The following DIPK1A variants were observed in gnomAD, a reference collection of about 807,000 sequenced individuals.
DIPK1A encodes divergent protein kinase domain 1A.
A neutral mutation model predicts 40.8 loss-of-function variants in DIPK1A; 27 were observed. The observed-to-expected ratio is 0.66, with a 90% CI of 0.49 to 0.91. The LOEUF is 0.91. Ranked by LOEUF, DIPK1A falls within the 40% of genes least tolerant of loss-of-function variation. The probability of loss-of-function intolerance (pLI) is 0.00; values close to 1 mark genes in which losing one functional copy is unlikely to be tolerated. For synonymous variants in DIPK1A, 166 were observed against 171.3 expected (o/e 0.97, Z 0.24); for missense variants, 412 against 505.7 (o/e 0.81, Z 1.78).
chr1:92,843,268 T>TG lies in DIPK1A; in HGVS notation c.*114dup. On this transcript the variant is annotated 3_prime_UTR_variant, in exon 5 of 5. Transcript: ENST00000370310. ...TCACATACTGATGGCTTCTCAGGCCTGGGGGGAAGGAGTTTTGTGTAACTG... is the reference window on the plus strand; with the variant it reads ...TCACATACTGATGGCTTCTCAGGCCTGGGGGGGAAGGAGTTTTGTGTAACTG... 3.4e-6 allele frequency: 5 copies of TG among 1,450,438 alleles called. No individual in the cohort carries two copies. The highest frequency in any genetic ancestry group is 9.1e-7 in the Non-Finnish European group (1 of 1,102,698). 89.8% of individuals were successfully genotyped at this position (1,450,438 alleles called of 1,614,324 possible). A position where few individuals can be genotyped will look rare whatever the true frequency, so the allele number is the denominator to read the frequency against.
At chr1:92,850,189 C>T (rs1268352682) in intron 3 of DIPK1A, among the ~76,000 whole-genome samples, 1 of 151,660 alleles carries the variant, frequency 6.6e-6, no homozygotes, top group Non-Finnish European at 1.5e-5. Context: ...AGGCTGGTCT[C>T]AGACTCCTGG....
At chr1:92,856,548 G>A (rs1480437329) in intron 2 of DIPK1A, among the ~76,000 whole-genome samples, 1 of 152,122 alleles carries the variant, frequency 6.6e-6, no homozygotes, top group East Asian at 1.9e-4. Context: ...CTCCCAAGTA[G>A]CTGGGATTAC....
At chr1:92,863,680 T>C (rs1647394503) in intron 2 of DIPK1A, among the ~76,000 whole-genome samples, 1 of 152,142 alleles carries the variant, frequency 6.6e-6, no homozygotes, top group South Asian at 2.1e-4. Flanking sequence ...AGATTTTTTA[T>C]AAGTTCATAA....
chr1:92,950,530 G>T (rs1651588288), intron 1 of DIPK1A, among the ~76,000 whole-genome samples: 1 of 152,188 alleles, frequency 6.6e-6, no homozygotes, highest in African/African-American at 2.4e-5. Flanking sequence ...ATTACAATGG[G>T]CCTAATTAGA....
In DIPK1A at chr1:92,836,473, A is replaced by C. The variant is rs1479393194; in HGVS notation, c.475-3439T>G. The C allele has an allele frequency of 3.9e-6, 5 of 1,292,432 alleles. No individual in the cohort carries two copies. The African/African-American group carries it at 7.3e-5, about 19-fold the overall frequency. 80.1% of individuals were successfully genotyped at this position (1,292,432 alleles called of 1,614,324 possible). A position where few individuals can be genotyped will look rare whatever the true frequency, so the allele number is the denominator to read the frequency against. On this transcript the variant is annotated intron_variant, in intron 4 of 4. Coordinates refer to the DIPK1A transcript ENST00000615519. ...ACTAGTTGGACTGTGGAGATAACCGAATTAAAGTAGCTATCAATTGAATGC... is the reference window on the plus strand; with the variant it reads ...ACTAGTTGGACTGTGGAGATAACCGCATTAAAGTAGCTATCAATTGAATGC...
chr1:92,916,096 T>C (rs2100844863), intron 1 of DIPK1A, among the ~76,000 whole-genome samples: 1 of 152,230 alleles, frequency 6.6e-6, no homozygotes, highest in Admixed American at 6.5e-5. Context: ...GATTAGTGGT[T>C]GTCAGAGGCT....
At chr1:92,851,035 T>C (rs1687801700) in intron 2 of DIPK1A, 80 bp from the exon 3 acceptor site, 2 of 892,934 alleles carry the variant, frequency 2.2e-6, no homozygotes, top group Non-Finnish European at 3.5e-6. Context: ...ATATCCTTTA[T>C]GAGTAAGTTC....
chr1:92,841,381 T>G (rs1354574021), downstream of DIPK1A, among the ~76,000 whole-genome samples: 1 of 152,254 alleles, frequency 6.6e-6, no homozygotes. Context: ...TAATAATCCA[T>G]TATGTATATG....
At chr1:92,869,739 T>A (rs1218512034) in intron 2 of DIPK1A, among the ~76,000 whole-genome samples, 3 of 151,708 alleles carry the variant, frequency 2.0e-5, no homozygotes, top group East Asian at 1.9e-4. Flanking sequence ...TTATGCAGTT[T>A]TATATATATA....
intron 1 of DIPK1A, chr1:92,932,810 A>T (rs960346864): frequency 1.3e-5 from 2 of 152,192 alleles, no homozygotes; most frequent in African/African-American, 4.8e-5. Context: ...TGGAGCACCG[A>T]GGATTTTTAG....
chr1:92,906,556 A>T (rs906645606), intron 1 of DIPK1A, among the ~76,000 whole-genome samples: 6 of 152,182 alleles, frequency 3.9e-5, no homozygotes, highest in Non-Finnish European at 5.9e-5. Context: ...TATATATTTT[A>T]AAATTCCTAT....
At chr1:92,858,621 T>C (rs1380843307) in intron 2 of DIPK1A, among the ~76,000 whole-genome samples, 4 of 152,278 alleles carry the variant, frequency 2.6e-5, no homozygotes, top group Admixed American at 2.6e-4. Flanking sequence ...AGTAAACTTA[T>C]TGGGAAGCAG....
chr1:92,936,956 C>G (rs1650969641), intron 1 of DIPK1A, among the ~76,000 whole-genome samples: 1 of 152,338 alleles, frequency 6.6e-6, no homozygotes, highest in South Asian at 2.1e-4. Context: ...TTCATTCACT[C>G]TATGGAAATC....
chr1:92,918,333 G>A (rs1553131834), intron 1 of DIPK1A, among the ~76,000 whole-genome samples: 1 of 152,080 alleles, frequency 6.6e-6, no homozygotes, highest in Non-Finnish European at 1.5e-5. Context: ...TATTTCTGTA[G>A]AGATAGAGTT....
chr1:92,871,622 T>G (rs944067342), intron 2 of DIPK1A, among the ~76,000 whole-genome samples: 20 of 152,364 alleles, frequency 1.3e-4, no homozygotes, highest in African/African-American at 4.8e-4. Flanking sequence ...TGCAATATTG[T>G]AAGGACTTAA....
At chr1:92,899,299 G>T (rs1649313253) in intron 1 of DIPK1A, among the ~76,000 whole-genome samples, 1 of 152,080 alleles carries the variant, frequency 6.6e-6, no homozygotes, top group Non-Finnish European at 1.5e-5. Flanking sequence ...ATTATGTAAT[G>T]ACCTTCTTTG....
intron 1 of DIPK1A, among the ~76,000 whole-genome samples, chr1:92,940,272 C>G (rs1651102001): frequency 6.6e-6 from 1 of 152,194 alleles, no homozygotes; most frequent in Non-Finnish European, 1.5e-5. Context: ...TCTCCCCTGA[C>G]TTGCCTTTCC....
intron 1 of DIPK1A, among the ~76,000 whole-genome samples, chr1:92,960,586 T>G (rs190319640): frequency 6.8e-4 from 104 of 152,284 alleles, no homozygotes; most frequent in African/African-American, 2.4e-3. Flanking sequence ...AGGCACAGAC[T>G]GGCAGCGGAA....
At chr1:92,923,717 TATGTAC>T (rs1302284416) in intron 1 of DIPK1A, among the ~76,000 whole-genome samples, 2 of 152,294 alleles carry the variant, frequency 1.3e-5, no homozygotes, top group Admixed American at 1.3e-4. Flanking sequence ...TCTGTCAACA[TATGTAC>T]TAGTGGAATC....
Sources: allele counts gnomAD v4.1 joint callset (sites outside exome capture counted in the v4.1 genomes callset), GRCh38; gene constraint gnomAD v4.1.1; transcripts MANE v1.5; gene names NCBI Gene and HGNC (gene_info 2026-07-23, HGNC 2026-07-21).